The following CNOT4 variants were observed in gnomAD, a reference collection of about 807,000 sequenced individuals.
The protein encoded by CNOT4 is CCR4-NOT transcription complex subunit 4.
In CNOT4, 8 loss-of-function variants were observed where a neutral mutation model predicts 73.8. The observed-to-expected ratio is 0.11, with a 90% CI of 0.06 to 0.20. CNOT4 has a LOEUF of 0.20. Among genes scored for constraint, CNOT4 ranks in the 10% least tolerant of loss-of-function variants. The pLI is 1.00. For missense variants in CNOT4, 564 were observed against 883.4 expected (o/e 0.64, Z 4.58); for synonymous variants, 293 against 321.1 (o/e 0.91, Z 0.94).
chr7:135,373,943 A>T (rs1472834771), intron 10 of CNOT4, among the ~76,000 whole-genome samples: 1 of 152,242 alleles, frequency 6.6e-6, no homozygotes, highest in Non-Finnish European at 1.5e-5. Flanking sequence ...TTCAGAAATG[A>T]ATATGATGGG....
Position 135,433,434 on chromosome 7 carries a change from G to A in CNOT4, c.174+4724C>T, listed in dbSNP as rs190123936. Among the ~76,000 whole-genome samples the A allele has an allele frequency of 1.0e-3, 134 of 133,670 alleles. 2 individuals carry two copies. Among genetic ancestry groups the A allele is most frequent in the Middle Eastern group, 5.0e-3 (1 of 200 alleles). 87.7% of individuals were successfully genotyped at this position (133,670 alleles called of 152,430 possible). A position where few individuals can be genotyped will look rare whatever the true frequency, so the allele number is the denominator to read the frequency against. On this transcript the variant is annotated intron_variant, in intron 2 of 11. Coordinates refer to ENST00000541284, the MANE Select transcript of CNOT4 (RefSeq NM_001190850.2). ...TGCAGTGGCATGAACATGGCTCACT[G>A]TAGCTTCAACCTCCTGGGTTCAAGC...
rs1433719250 is a variant in CNOT4, at chr7:135,501,010, GT to G, written c.-93+8878del. 1.4e-5 allele frequency among the ~76,000 whole-genome samples: 2 copies of G among 142,776 alleles called. 1 individual carries two copies. Among genetic ancestry groups the G allele is most frequent in the Admixed American group, 1.4e-4 (2 of 14,216 alleles). 93.7% of individuals were successfully genotyped at this position (142,776 alleles called of 152,430 possible). The stretch of plus-strand genomic sequence containing the variant: ...TTTTTTTTTTTTTTTTGGAGACAGA[GT>G]TTCATTCTGTAGCCCAGGCTGGAGT... On this transcript the variant is annotated intron_variant, in intron 1 of 11. Transcript: ENST00000541284.
intron 6 of CNOT4, 118 bp downstream of exon 6, chr7:135,413,370 T>C (rs148654993): frequency 8.5e-7 from 1 of 1,183,284 alleles, no homozygotes; most frequent in African/African-American, 1.6e-5. Flanking sequence ...AATGCTACTT[T>C]AAAGTAATAT....
Position 135,406,505 on chromosome 7 carries a change from A to T in CNOT4, c.821+4010T>A, listed in dbSNP as rs560231222. On this transcript the variant is annotated intron_variant, in intron 7 of 11. Coordinates refer to ENST00000541284, the MANE Select transcript of CNOT4 (RefSeq NM_001190850.2). ...TGAAACGCCATCTCTACAAAAAAAA[A>T]GAAAAATTAACTGGGTGTGTTGATG... 7.9e-5 allele frequency among the ~76,000 whole-genome samples: 12 copies of T among 152,034 alleles called. No individual in the cohort carries two copies. In the South Asian group the frequency reaches 2.5e-3, roughly 32 times the overall value.
At chr7:135,455,427 CATAAAT>C (rs1193193461) in intron 1 of CNOT4, among the ~76,000 whole-genome samples, 1 of 152,010 alleles carries the variant, frequency 6.6e-6, no homozygotes, top group Non-Finnish European at 1.5e-5. Flanking sequence ...TGAAATTGCA[CATAAAT>C]ATATTCTATA....
intron 1 of CNOT4, among the ~76,000 whole-genome samples, chr7:135,507,063 A>G (rs1377034506): frequency 2.0e-5 from 3 of 152,182 alleles, no homozygotes; most frequent in African/African-American, 7.2e-5. Flanking sequence ...CATTTTTAAA[A>G]TAAGACTCCC....
intron 1 of CNOT4, chr7:135,445,049 T>C: frequency 1.3e-6 from 1 of 793,276 alleles, no homozygotes; most frequent in Non-Finnish European, 2.2e-6. Context: ...GACAGCCTTC[T>C]TCTCTTAATC....
chr7:135,504,353 T>C (rs1252746635), intron 1 of CNOT4, among the ~76,000 whole-genome samples: 2 of 150,996 alleles, frequency 1.3e-5, no homozygotes, highest in Non-Finnish European at 1.5e-5. Context: ...TAGAGTGCAA[T>C]GGCGCAATCT....
At chr7:135,453,366 C>T (rs954392373) in intron 1 of CNOT4, among the ~76,000 whole-genome samples, 5 of 152,070 alleles carry the variant, frequency 3.3e-5, no homozygotes, top group Admixed American at 6.6e-5. Flanking sequence ...CACTTACATT[C>T]TACCACCTCC....
intron 8 of CNOT4, 78 bp downstream of exon 8, chr7:135,398,091 T>C: frequency 1.3e-6 from 1 of 790,468 alleles, no homozygotes; most frequent in Non-Finnish European, 2.2e-6. Context: ...AAAGTATTTT[T>C]AGAAAATTCA....
intron 1 of CNOT4, among the ~76,000 whole-genome samples, chr7:135,445,764 CA>C (rs1307234334): frequency 6.6e-6 from 1 of 152,114 alleles, no homozygotes; most frequent in African/African-American, 2.4e-5. Flanking sequence ...TATTCAGTCA[CA>C]AAAGGAATCA....
At position 135,422,276 on chromosome 7, in the gene CNOT4, C is replaced by G; in HGVS notation, c.252G>C (p.Gln84His). The G allele has an allele frequency of 6.3e-7, 1 of 1,588,984 alleles. No homozygotes were observed. Among genetic ancestry groups the G allele is most frequent in the South Asian group, 1.1e-5 (1 of 90,568 alleles). The part of the protein sequence containing the change: ...ELQRIKNEKK[Q>H]KQNERKQKIS... ...TTTTCTGTTTTCTCTCATTTTGTTT[C>G]TGTTTTTTCTCATTCTTTATCCTTT... Residue 84 changes from glutamine to histidine, a missense_variant, in exon 3 of 12, where the codon CAG becomes CAC. Physicochemically the swap from Gln to His is conservative, Grantham distance 24. Transcript: ENST00000541284.
chr7:135,406,659 AT>A lies in CNOT4; in HGVS notation c.821+3855del, dbSNP rs1297723475. On this transcript the variant is annotated intron_variant, in intron 7 of 11. Transcript: ENST00000541284. Reference sequence around the variant, plus strand: ...CCAGGTGACAGCAAGACTCTCAAAAATTTTTTTTTATTCTGGTCCCAGCTGA... The same window carrying A: ...CCAGGTGACAGCAAGACTCTCAAAAATTTTTTTTATTCTGGTCCCAGCTGA... 2.0e-5 allele frequency among the ~76,000 whole-genome samples: 3 copies of A among 151,604 alleles called. No homozygotes were observed. The East Asian group carries it at 5.8e-4, about 29-fold the overall frequency.
Position 135,365,258 on chromosome 7 carries a change from C to T in CNOT4, c.1628-1192G>A, listed in dbSNP as rs189087773. ...GATAAAATACTACAACTAAACTGAA[C>T]GAAGGTCATCTCTGAACTTATTAAG... On this transcript the variant is annotated intron_variant, in intron 10 of 11. Transcript: ENST00000541284. Among the ~76,000 whole-genome samples the T allele has an allele frequency of 1.4e-4, 21 of 152,244 alleles. No homozygotes were observed. In the East Asian group the frequency reaches 2.3e-3, roughly 17 times the overall value.
intron 1 of CNOT4, among the ~76,000 whole-genome samples, chr7:135,468,189 C>A (rs1370932422): frequency 6.6e-6 from 1 of 151,722 alleles, no homozygotes; most frequent in Non-Finnish European, 1.5e-5. Context: ...GCACTCCAGC[C>A]TGGGCGACAG....
chr7:135,407,326 T>C (rs1797347939), intron 7 of CNOT4, among the ~76,000 whole-genome samples: 2 of 152,222 alleles, frequency 1.3e-5, no homozygotes, highest in African/African-American at 4.8e-5. Flanking sequence ...CTACTTGTTA[T>C]AAATGCCAAA....
In CNOT4 at chr7:135,362,274, A is replaced by G. The variant is rs1469411083; in HGVS notation, c.*611T>C. On this transcript the variant is annotated 3_prime_UTR_variant, in exon 12 of 12. Coordinates refer to ENST00000541284, the MANE Select transcript of CNOT4 (RefSeq NM_001190850.2). ...TTAGCAATCGGCCAGTTACTACTAC[A>G]GATGAATTTGTCTTTCCATCAACTT... 2.5e-5 allele frequency: 4 copies of G among 157,748 alleles called. No homozygotes were observed. The highest frequency in any genetic ancestry group is 9.6e-5 in the African/African-American group (4 of 41,472). The allele number at this position is 157,748 out of a possible 1,614,324, so 9.8% of individuals were successfully genotyped here.
chr7:135,463,544 CAAAAA>C (rs34696755), intron 1 of CNOT4, among the ~76,000 whole-genome samples: 2 of 103,790 alleles, frequency 1.9e-5, no homozygotes. Context: ...TCCCCCCACC[CAAAAA>C]AAAAAAAAAA....
intron 1 of CNOT4, among the ~76,000 whole-genome samples, chr7:135,450,341 T>C (rs1197937498): frequency 2.6e-5 from 4 of 152,110 alleles, no homozygotes; most frequent in Non-Finnish European, 4.4e-5. Context: ...TTTGTTTGTG[T>C]CAGGGACTCC....
Sources: gnomAD v4.1 joint callset for allele counts (sites outside exome capture counted in the v4.1 genomes callset) on GRCh38, gnomAD v4.1.1 for gene constraint, MANE v1.5 for transcripts, NCBI Gene and HGNC (gene_info 2026-07-23, HGNC 2026-07-21) for gene names.